ZNF138: variants seen among roughly 807,000 people sequenced by gnomAD.
ZNF138 encodes the protein zinc finger protein 138.
A neutral mutation model predicts 33.0 loss-of-function variants in ZNF138; 33 were observed. The ratio of observed to expected loss-of-function variants is 1.00; its 90% CI spans 0.76 to 1.34. The LOEUF (loss-of-function observed/expected upper bound fraction) is 1.34. Ranked by LOEUF, ZNF138 falls within the 40% of genes most tolerant of loss-of-function variation. The pLI is 0.00. For synonymous variants in ZNF138, 139 were observed against 120.4 expected (o/e 1.15, Z -1.01); for missense variants, 360 against 370.8 (o/e 0.97, Z 0.24).
intron 3 of ZNF138, among the ~76,000 whole-genome samples, chr7:64,825,972 T>C (rs1251633660): frequency 1.3e-5 from 2 of 152,148 alleles, no homozygotes; most frequent in African/African-American, 4.8e-5. Flanking sequence ...AGTAGCTGTT[T>C]ACACGTAAGT....
chr7:64,844,593 TA>T, the ZNF138 span, among the ~76,000 whole-genome samples: 1 of 21,336 alleles, frequency 4.7e-5, no homozygotes, highest in African/African-American at 6.4e-5. Context: ...TCACTCTTTT[TA>T]ATTTTTTATT....
Position 64,794,960 on chromosome 7 carries a change from GAA to G in ZNF138, c.3+391_3+392del, listed in dbSNP as rs534332569. ...CCTCTTTTCCCCTATTAAAATTTAT[GAA>G]AGTCACCGCAAAAAAATTAATTTAA... On this transcript the variant is annotated intron_variant, in intron 1 of 3. Coordinates refer to ENST00000307355, the MANE Select transcript of ZNF138 (RefSeq NM_001271639.2). Among the ~76,000 whole-genome samples, 13 of 152,154 alleles carry G rather than the reference GAA, an allele frequency of 8.5e-5. No homozygotes were observed. In the South Asian group the frequency reaches 2.7e-3, roughly 32 times the overall value.
At chr7:64,815,163 T>A in intron 2 of ZNF138, 119 bp downstream of exon 2, 1 of 1,075,142 alleles carries the variant, frequency 9.3e-7, no homozygotes, top group Non-Finnish European at 1.3e-6. Context: ...CAGATTCCTG[T>A]TTTCAAAAGA....
At chr7:64,794,606 G>C (rs574073807) in intron 1 of ZNF138, 35 bp downstream of exon 1, 1 of 1,613,208 alleles carries the variant, frequency 6.2e-7, no homozygotes, top group Admixed American at 1.7e-5. Context: ...CGAGAGAGGG[G>C]GAGGGAGCTG....
At chr7:64,829,627 T>C (rs1789920982) in intron 3 of ZNF138, among the ~76,000 whole-genome samples, 1 of 146,664 alleles carries the variant, frequency 6.8e-6, no homozygotes, top group Non-Finnish European at 1.5e-5. Flanking sequence ...TTACATTTGT[T>C]CTCAATTTTG....
intron 3 of ZNF138, among the ~76,000 whole-genome samples, chr7:64,821,042 T>TTC (rs1554367745): frequency 1.7e-5 from 1 of 59,244 alleles, no homozygotes; most frequent in Admixed American, 2.3e-4. Context: ...ATTGTTTTTT[T>TTC]TTGTTTTGTT....
intron 3 of ZNF138, among the ~76,000 whole-genome samples, chr7:64,817,993 A>T (rs942834801): frequency 6.9e-5 from 9 of 129,566 alleles, no homozygotes; most frequent in South Asian, 2.5e-4. Context: ...TATTATTATT[A>T]TTATTTTTTT....
downstream of ZNF138, among the ~76,000 whole-genome samples, chr7:64,834,812 T>C (rs965817555): frequency 1.3e-5 from 2 of 152,176 alleles, no homozygotes; most frequent in African/African-American, 4.8e-5. Context: ...TGCGTTATAC[T>C]CCAAACAAAA....
At chr7:64,851,137 A>G in the ZNF138 span, among the ~76,000 whole-genome samples, 1 of 152,150 alleles carries the variant, frequency 6.6e-6, no homozygotes, top group East Asian at 1.9e-4. Context: ...TCTGAAATAT[A>G]CAATACATTA....
chr7:64,822,020 G>A (rs911854800), intron 3 of ZNF138, among the ~76,000 whole-genome samples: 2 of 144,118 alleles, frequency 1.4e-5, no homozygotes, highest in East Asian at 2.1e-4. Flanking sequence ...CTGGGTTCAC[G>A]CCATTCTTCT....
intron 3 of ZNF138, among the ~76,000 whole-genome samples, chr7:64,817,691 G>A (rs1355239212): frequency 6.7e-6 from 1 of 150,332 alleles, no homozygotes; most frequent in East Asian, 2.0e-4. Context: ...TCTTTTTGCT[G>A]TTGGGGCATA....
chr7:64,824,910 T>G (rs13226426), intron 3 of ZNF138, among the ~76,000 whole-genome samples: 97,547 of 151,214 alleles, frequency 0.65, 32,207 homozygotes, highest in African/African-American at 0.78. Flanking sequence ...TCACCCAGGC[T>G]GGCTCAATGC....
the ZNF138 span, among the ~76,000 whole-genome samples, chr7:64,859,877 G>A: frequency 2.6e-5 from 4 of 152,290 alleles, no homozygotes; most frequent in South Asian, 2.1e-4. Flanking sequence ...GGTGGCTCAC[G>A]CCTGTAATCC....
rs1434457908 is a variant in ZNF138, at chr7:64,832,325, A to G, written c.*123A>G. 6 of 1,569,402 alleles carry G rather than the reference A, an allele frequency of 3.8e-6. No homozygotes were observed. In the East Asian group the frequency reaches 1.3e-4, roughly 35 times the overall value. ...ATAAGATAATTCATAGCGGAGAGAA[A>G]CCCCACAAATGTGAAGAATGTGGCA... On this transcript the variant is annotated 3_prime_UTR_variant, in exon 4 of 4. Coordinates refer to ENST00000307355, the MANE Select transcript of ZNF138 (RefSeq NM_001271639.2).
At chr7:64,798,514 G>A (rs190864488) in intron 1 of ZNF138, among the ~76,000 whole-genome samples, 8 of 152,278 alleles carry the variant, frequency 5.3e-5, no homozygotes, top group East Asian at 1.9e-4. Flanking sequence ...AATTCTGGCC[G>A]GGCATGGTGG....
chr7:64,814,809 A>G (rs1788474209), intron 1 of ZNF138, 109 bp from the exon 2 acceptor site: 1 of 1,411,562 alleles, frequency 7.1e-7, no homozygotes, highest in Non-Finnish European at 9.8e-7. Flanking sequence ...CTCCTGTAAG[A>G]CATAATCAGT....
the ZNF138 span, among the ~76,000 whole-genome samples, chr7:64,847,159 C>T: frequency 0.089 from 13,484 of 151,576 alleles, 841 homozygotes; most frequent in African/African-American, 0.17. Flanking sequence ...ATTTGGTTAG[C>T]TAGTATTTTC....
At chr7:64,827,841 G>A (rs1789764498) in intron 3 of ZNF138, among the ~76,000 whole-genome samples, 1 of 151,768 alleles carries the variant, frequency 6.6e-6, no homozygotes, top group African/African-American at 2.4e-5. Context: ...ATATTTTAGG[G>A]TATGCCACCT....
intron 3 of ZNF138, among the ~76,000 whole-genome samples, chr7:64,817,909 T>A (rs1788790884): frequency 6.6e-6 from 1 of 152,020 alleles, no homozygotes; most frequent in African/African-American, 2.4e-5. Context: ...TACATTTAAG[T>A]TTGCTGTAGG....
Sources: gnomAD v4.1 joint callset for allele counts (sites outside exome capture counted in the v4.1 genomes callset) on GRCh38, gnomAD v4.1.1 for gene constraint, MANE v1.5 for transcripts, NCBI Gene and HGNC (gene_info 2026-07-23, HGNC 2026-07-21) for gene names.